GRIK2: variants seen among roughly 807,000 people sequenced by gnomAD.
GRIK2 encodes the protein glutamate receptor ionotropic, kainate 2.
Under a neutral mutation model 100.3 loss-of-function variants are expected in GRIK2, and 32 were observed. The observed-to-expected ratio is 0.32, with a 90% CI of 0.24 to 0.43. The LOEUF (loss-of-function observed/expected upper bound fraction) is 0.43. GRIK2 is among the 20% of genes least tolerant of loss of function. GRIK2 has a pLI of 1.00. For missense variants in GRIK2, 843 were observed against 1,114.9 expected, an observed-to-expected ratio of 0.76 and a Z score of 3.47; for synonymous variants, 417 against 389.4, an observed-to-expected ratio of 1.07 and a Z score of -0.83.
intron 12 of GRIK2, among the ~76,000 whole-genome samples, chr6:101,898,564 A>G (rs1787631545): frequency 1.3e-5 from 2 of 151,964 alleles, no homozygotes; most frequent in Non-Finnish European, 2.9e-5. Context: ...TTTCCAATCA[A>G]CTGGGCACCT....
At chr6:101,598,592 TAAAAA>T (rs75603851) in intron 2 of GRIK2, among the ~76,000 whole-genome samples, 301 of 82,376 alleles carry the variant, frequency 3.7e-3, no homozygotes, top group Middle Eastern at 0.015. Context: ...TCTTCCTTAA[TAAAAA>T]AAAAAAAAAA....
intron 4 of GRIK2, among the ~76,000 whole-genome samples, chr6:101,640,752 CTAA>C (rs1298318095): frequency 6.6e-6 from 1 of 152,072 alleles, no homozygotes; most frequent in Non-Finnish European, 1.5e-5. Flanking sequence ...ATTTCTTTTT[CTAA>C]TAAGTTTCTG....
At chr6:101,615,932 G>GA (rs1779871581) in intron 2 of GRIK2, among the ~76,000 whole-genome samples, 1 of 151,686 alleles carries the variant, frequency 6.6e-6, no homozygotes, top group South Asian at 2.1e-4. Flanking sequence ...ACTTTACAAA[G>GA]AAAATACATG....
chr6:101,631,132 G>T (rs561310209), intron 4 of GRIK2, among the ~76,000 whole-genome samples: 2 of 152,246 alleles, frequency 1.3e-5, no homozygotes, highest in East Asian at 1.9e-4. Context: ...CACGCTGAAA[G>T]TCTGTTATAG....
At chr6:101,742,958 G>A (rs1776142146) in intron 7 of GRIK2, among the ~76,000 whole-genome samples, 1 of 152,080 alleles carries the variant, frequency 6.6e-6, no homozygotes. Context: ...TGGTTGACAG[G>A]GGGAGATTAG....
chr6:101,518,705 C>G (rs1369437993), intron 2 of GRIK2, among the ~76,000 whole-genome samples: 2 of 152,120 alleles, frequency 1.3e-5, no homozygotes, highest in African/African-American at 4.8e-5. Flanking sequence ...TTACAGCATA[C>G]TCTAGCATAT....
intron 2 of GRIK2, among the ~76,000 whole-genome samples, chr6:101,573,979 T>C (rs192138642): frequency 2.0e-5 from 3 of 152,168 alleles, no homozygotes; most frequent in African/African-American, 4.8e-5. Flanking sequence ...TAAGAAATCA[T>C]GTAACTTGCA....
chr6:101,828,428 A>G (rs1022824779), intron 10 of GRIK2, among the ~76,000 whole-genome samples: 2 of 151,976 alleles, frequency 1.3e-5, no homozygotes, highest in Non-Finnish European at 2.9e-5. Context: ...AACTATAATC[A>G]GAGCAAAACT....
intron 14 of GRIK2, among the ~76,000 whole-genome samples, chr6:101,948,511 T>C (rs2852599): frequency 0.034 from 5,102 of 147,972 alleles, 311 homozygotes; most frequent in African/African-American, 0.12. Context: ...TAGTTATATA[T>C]AAATATATTT....
At chr6:101,496,374 A>G (rs1170145789) in intron 2 of GRIK2, among the ~76,000 whole-genome samples, 1 of 152,240 alleles carries the variant, frequency 6.6e-6, no homozygotes, top group Non-Finnish European at 1.5e-5. Context: ...CTTTGGAAGT[A>G]TGCCTGTAAC....
chr6:101,896,893 G>A (rs189875757), intron 12 of GRIK2, among the ~76,000 whole-genome samples: 1 of 151,668 alleles, frequency 6.6e-6, no homozygotes, highest in Admixed American at 6.6e-5. Context: ...GAAACTCAGA[G>A]TGCTAAAACT....
chr6:101,756,592 G>A (rs73761410), intron 7 of GRIK2, among the ~76,000 whole-genome samples: 8,126 of 152,066 alleles, frequency 0.053, 724 homozygotes, highest in African/African-American at 0.19. Context: ...TCTACTAAAC[G>A]TCATTTTGAA....
At chr6:101,560,966 AATTAGGCTTGGTTATAC>A (rs1169300700) in intron 2 of GRIK2, among the ~76,000 whole-genome samples, 8 of 152,304 alleles carry the variant, frequency 5.3e-5, no homozygotes, top group African/African-American at 1.4e-4. Context: ...ATGAGAGATA[AATTAGGCTTGGTTATAC>A]ATGCCTTTAT....
intron 7 of GRIK2, among the ~76,000 whole-genome samples, chr6:101,736,337 A>T (rs1775630033): frequency 6.6e-6 from 1 of 152,126 alleles, no homozygotes; most frequent in African/African-American, 2.4e-5. Flanking sequence ...GGATGTTCCG[A>T]CCCAACATCT....
intron 2 of GRIK2, among the ~76,000 whole-genome samples, chr6:101,546,870 G>T (rs1354256823): frequency 9.6e-6 from 1 of 104,148 alleles, no homozygotes; most frequent in Non-Finnish European, 1.7e-5. Context: ...TCGCTCTGTC[G>T]CCCAGGCTGG....
intron 2 of GRIK2, among the ~76,000 whole-genome samples, chr6:101,426,541 G>A (rs1776709863): frequency 2.6e-5 from 4 of 151,888 alleles, no homozygotes; most frequent in African/African-American, 7.3e-5. Context: ...AATATCACAT[G>A]TACGCCATAA....
At chr6:101,753,636 G>T (rs1388812360) in intron 7 of GRIK2, among the ~76,000 whole-genome samples, 3 of 151,688 alleles carry the variant, frequency 2.0e-5, no homozygotes, top group East Asian at 3.9e-4. Flanking sequence ...TTACTAACCA[G>T]TTAGGTTTTA....
At chr6:101,403,896 G>T (rs914912946) in intron 2 of GRIK2, among the ~76,000 whole-genome samples, 3 of 152,038 alleles carry the variant, frequency 2.0e-5, no homozygotes, top group African/African-American at 7.2e-5. Context: ...CCAACACAAC[G>T]ATCACACTTT....
chr6:101,698,480 C>G (rs1772654557), intron 7 of GRIK2, among the ~76,000 whole-genome samples: 1 of 152,058 alleles, frequency 6.6e-6, no homozygotes, highest in South Asian at 2.1e-4. Flanking sequence ...TAAAAGAACT[C>G]ATACATATTT....
Sources: gnomAD v4.1 joint callset for allele counts (sites outside exome capture counted in the v4.1 genomes callset) on GRCh38, gnomAD v4.1.1 for gene constraint, MANE v1.5 for transcripts, NCBI Gene and HGNC (gene_info 2026-07-23, HGNC 2026-07-21) for gene names.